LTBP1: variants seen among roughly 807,000 people sequenced by gnomAD.
LTBP1 encodes the protein latent-transforming growth factor beta-binding protein 1.
Under a neutral mutation model 207.6 loss-of-function variants are expected in LTBP1, and 129 were observed. That is an observed-to-expected ratio of 0.62 (90% CI 0.54 to 0.72). The LOEUF (loss-of-function observed/expected upper bound fraction) is 0.72. Among genes scored for constraint, LTBP1 ranks in the 30% least tolerant of loss-of-function variants. LTBP1 has a pLI of 0.00. For synonymous variants in LTBP1, 963 were observed against 833.7 expected (o/e 1.16, Z -2.67); for missense variants, 2,281 against 2,217.2 (o/e 1.03, Z -0.58).
chr2:33,078,678 T>C (rs573817334), intron 3 of LTBP1, among the ~76,000 whole-genome samples: 2 of 152,302 alleles, frequency 1.3e-5, no homozygotes, highest in African/African-American at 4.8e-5. Context: ...TGAGTTAATT[T>C]TAATGAAATT....
rs78082575 is a variant in LTBP1 at position 33,208,048 on chromosome 2, T to C, written c.1702-9504T>C. Among the ~76,000 whole-genome samples the C allele has an allele frequency of 3.2e-4, 49 of 152,384 alleles. No homozygotes were observed. The East Asian group carries it at 8.7e-3, about 27-fold the overall frequency. On this transcript the variant is annotated intron_variant, in intron 7 of 33. Transcript: ENST00000404816. ...ATAGGGGACTTCATTCTGATTCTTA[T>C]GAAAAGAAGTTCAAGATTTCAAAAA...
intron 2 of LTBP1, among the ~76,000 whole-genome samples, chr2:32,997,995 T>C (rs1465606288): frequency 3.3e-5 from 5 of 152,200 alleles, no homozygotes; most frequent in Non-Finnish European, 5.9e-5. Context: ...TCAGACTGTT[T>C]CCAGTAAAGT....
intron 2 of LTBP1, among the ~76,000 whole-genome samples, chr2:32,957,652 A>C (rs977735202): frequency 6.6e-6 from 1 of 152,212 alleles, no homozygotes; most frequent in African/African-American, 2.4e-5. Flanking sequence ...AAATATTACG[A>C]GAATTTCCAG....
At chr2:33,168,410 AAAAAAAG>A (rs1197206854) in intron 5 of LTBP1, among the ~76,000 whole-genome samples, 7 of 151,518 alleles carry the variant, frequency 4.6e-5, no homozygotes, top group East Asian at 1.9e-4. Context: ...AAAAAAAAAA[AAAAAAAG>A]AAAAAAGAAA....
chr2:33,138,717 G>C (rs538915043), intron 5 of LTBP1, among the ~76,000 whole-genome samples: 2 of 152,192 alleles, frequency 1.3e-5, no homozygotes, highest in South Asian at 4.1e-4. Context: ...TAACTTATTT[G>C]TGGAGACATT....
At chr2:33,057,258 C>G (rs2077046930) in intron 3 of LTBP1, among the ~76,000 whole-genome samples, 1 of 152,110 alleles carries the variant, frequency 6.6e-6, no homozygotes. Context: ...GGTGTGTTTA[C>G]AAACCTTGAG....
chr2:33,281,328 G>A (rs190114133), intron 19 of LTBP1, among the ~76,000 whole-genome samples: 4 of 152,116 alleles, frequency 2.6e-5, no homozygotes, highest in African/African-American at 9.7e-5. Flanking sequence ...TTGAGTTGAG[G>A]TTCAACTGGT....
intron 9 of LTBP1, among the ~76,000 whole-genome samples, chr2:33,230,179 CTAA>C (rs1402340368): frequency 6.6e-6 from 1 of 152,184 alleles, no homozygotes; most frequent in Non-Finnish European, 1.5e-5. Flanking sequence ...TTCTTACAGT[CTAA>C]TGTCTTCTCA....
At chr2:32,975,621 T>G (rs867051914) in intron 2 of LTBP1, among the ~76,000 whole-genome samples, 1,482 of 87,120 alleles carry the variant, frequency 0.017, 52 homozygotes, top group African/African-American at 0.057. Flanking sequence ...TTTTTTTTTT[T>G]GTCTGACTGG....
chr2:33,019,328 CTTTTTT>C (rs58570641), intron 2 of LTBP1, among the ~76,000 whole-genome samples: 50 of 87,710 alleles, frequency 5.7e-4, no homozygotes, highest in African/African-American at 2.1e-3. Flanking sequence ...ATGTACACTT[CTTTTTT>C]TTTTTTTTTT....
chr2:33,236,405 G>A (rs537262613), intron 9 of LTBP1, among the ~76,000 whole-genome samples: 2 of 152,208 alleles, frequency 1.3e-5, no homozygotes, highest in Non-Finnish European at 1.5e-5. Context: ...TAGTTTAAAT[G>A]TGCACAGTAT....
At chr2:32,986,469 G>C (rs1683590755) in intron 2 of LTBP1, among the ~76,000 whole-genome samples, 1 of 152,230 alleles carries the variant, frequency 6.6e-6, no homozygotes, top group Non-Finnish European at 1.5e-5. Context: ...CTGACATTAA[G>C]CCTGATTGGC....
At chr2:33,322,436 A>G (rs1039999764) in intron 24 of LTBP1, among the ~76,000 whole-genome samples, 3 of 152,234 alleles carry the variant, frequency 2.0e-5, no homozygotes, top group Non-Finnish European at 4.4e-5. Context: ...AATGCTTCAT[A>G]CACATATTCC....
intron 13 of LTBP1, 138 bp downstream of exon 13, chr2:33,259,748 C>T: frequency 1.5e-6 from 1 of 674,882 alleles, no homozygotes; most frequent in Middle Eastern, 4.1e-4. Flanking sequence ...ATATAGCATT[C>T]AGTTATTCCA....
Position 32,997,118 on chromosome 2 carries a change from C to G in LTBP1, c.566-23791C>G, listed in dbSNP as rs1269232831. On this transcript the variant is annotated intron_variant, in intron 2 of 33. Transcript: ENST00000404816. The stretch of plus-strand genomic sequence containing the variant: ...CAGGCTGGTCTCGAATTCCTGACCT[C>G]AAGCGATCCGCCCACCTCGGCCTCC... Among the ~76,000 whole-genome samples, 4 of 152,158 alleles carry G rather than the reference C, an allele frequency of 2.6e-5. No homozygotes were observed. In the South Asian group the frequency reaches 8.3e-4, roughly 32 times the overall value.
chr2:33,308,763 TTTCTC>T (rs1372240702), intron 22 of LTBP1, among the ~76,000 whole-genome samples: 1 of 152,202 alleles, frequency 6.6e-6, no homozygotes, highest in African/African-American at 2.4e-5. Flanking sequence ...TGAACAAACA[TTTCTC>T]TTGGGGACAA....
chr2:33,257,922 A>T (rs1375549950), intron 12 of LTBP1, among the ~76,000 whole-genome samples: 1 of 152,252 alleles, frequency 6.6e-6, no homozygotes, highest in Non-Finnish European at 1.5e-5. Flanking sequence ...ATGGGCAGTC[A>T]AGGATAATGG....
chr2:33,176,486 A>G (rs929106096), intron 5 of LTBP1, among the ~76,000 whole-genome samples: 6 of 152,118 alleles, frequency 3.9e-5, no homozygotes, highest in Non-Finnish European at 7.4e-5. Context: ...CAGCCTCCCA[A>G]AGTGCTGAGA....
chr2:33,216,643 G>A (rs1573236792), intron 7 of LTBP1, among the ~76,000 whole-genome samples: 1 of 152,318 alleles, frequency 6.6e-6, no homozygotes, highest in East Asian at 1.9e-4. Context: ...CCCCTTGGAT[G>A]CTCTGTGTTT....
Sources: gnomAD v4.1 joint callset for allele counts (sites outside exome capture counted in the v4.1 genomes callset) on GRCh38, gnomAD v4.1.1 for gene constraint, MANE v1.5 for transcripts, NCBI Gene and HGNC (gene_info 2026-07-23, HGNC 2026-07-21) for gene names.